The following CCDC120 variants were observed in gnomAD, a reference collection of about 807,000 sequenced individuals.
CCDC120 encodes coiled-coil domain-containing protein 120.
Under a neutral mutation model 37.6 loss-of-function variants are expected in CCDC120, and 16 were observed. The ratio of observed to expected loss-of-function variants is 0.43; its 90% confidence interval spans 0.29 to 0.65. The LOEUF (loss-of-function observed/expected upper bound fraction) is 0.65, where lower values mean the gene tolerates loss of function less well. CCDC120 is among the 30% of genes least tolerant of loss of function. CCDC120 has a pLI of 0.18. For missense variants in CCDC120, 650 were observed against 657.4 expected (o/e 0.99, Z 0.12); for synonymous variants, 309 against 275.4 (o/e 1.12, Z -1.21).
At position 49,067,730 on chromosome X, in the gene CCDC120, A is replaced by G; in HGVS notation, c.1616A>G (p.Lys539Arg). 8.4e-7 allele frequency: 1 copy of G among 1,195,146 alleles called. No homozygotes were observed. Among genetic ancestry groups the G allele is most frequent in the Non-Finnish European group, 1.1e-6 (1 of 884,103 alleles). ...AGCAACAGCCCCCTCCTCCGCACCA[A>G]GGACCCCCACACCCGTGCCACCCGC... The part of the protein sequence containing the change: ...ADSNSPLLRT[K>R]DPHTRATRTK... The change falls in exon 10 of 11, where the codon AAG becomes AGG. Residue 539 changes from lysine (K) to arginine (R), a missense_variant. Physicochemically the swap from Lys to Arg is conservative, Grantham distance 26. This residue lies in a region of CCDC120 where 576 missense variants were observed against 565.3 expected (regional missense o/e 1.02). Transcript: ENST00000603986.
rs375814386 is a variant in CCDC120 at position 49,065,550 on chromosome X, G to A, written c.884G>A (p.Arg295Gln). Reference sequence around the variant, plus strand: ...GTATCTGGGGGGAGCCCTGAGCGGCGAACCCCATGGAAACCACCTCCATCA... The same window carrying A: ...GTATCTGGGGGGAGCCCTGAGCGGCAAACCCCATGGAAACCACCTCCATCA... ...RAVSGGSPER[R>Q]TPWKPPPSDL... Residue 295 changes from arginine (R) to glutamine (Q), a missense_variant, in exon 8 of 11, where the codon CGA becomes CAA. Physicochemically the swap from Arg to Gln is conservative, Grantham distance 43 (BLOSUM62 1). Coordinates refer to ENST00000603986, the MANE Select transcript of CCDC120 (RefSeq NM_001163321.4). 69 of 1,209,422 alleles carry A rather than the reference G, an allele frequency of 5.7e-5. No individual in the cohort carries two copies. The highest frequency in any genetic ancestry group is 7.0e-5 in the Non-Finnish European group (63 of 894,874).
intron 7 of CCDC120, 49 bp from the exon 8 acceptor site, chrX:49,065,405 T>A (rs201652572): frequency 9.2e-7 from 1 of 1,087,798 alleles, no homozygotes; most frequent in East Asian, 3.1e-5. Flanking sequence ...TCCTGCCCCC[T>A]CTGGGCCCCC....
upstream of CCDC120, among the ~76,000 whole-genome samples, chrX:49,057,821 C>T (rs1460540564): frequency 4.5e-5 from 5 of 110,001 alleles, no homozygotes; most frequent in Admixed American, 1.9e-4. Flanking sequence ...TGCTGTGTGC[C>T]GGGACTGGCC....
chrX:49,065,089 C>T lies in CCDC120; in HGVS notation c.778C>T (p.His260Tyr), dbSNP rs1557080754. 3 of 1,211,333 alleles carry T rather than the reference C, an allele frequency of 2.5e-6. No homozygotes were observed. The highest frequency in any genetic ancestry group is 3.5e-5 in the South Asian group (2 of 56,957). ...CTCCCTCTCAGAGTCTGGGGCCAGC[C>T]ATGACAACGGTGAGGACTCCTATCC... ...SSSLSESGAS[H>Y]DNEEPHGCFS... Residue 260 changes from histidine (H) to tyrosine (Y), a missense_variant, in exon 7 of 11, where the codon CAT becomes TAT. Transcript: ENST00000603986.
chrX:49,057,822 G>A (rs61738472), upstream of CCDC120, among the ~76,000 whole-genome samples: 788 of 111,705 alleles, frequency 7.1e-3, 9 homozygotes, highest in African/African-American at 0.025. Flanking sequence ...GCTGTGTGCC[G>A]GGACTGGCCC....
intron 2 of CCDC120, 35 bp from the exon 3 acceptor site, chrX:49,062,200 G>A (rs1557079636): frequency 1.7e-6 from 2 of 1,190,215 alleles, no homozygotes. Context: ...ATCATGGGAT[G>A]TGCTTCCTTA....
chrX:49,064,553 C>A lies in CCDC120; in HGVS notation c.613C>A (p.Arg205Ser). Reference sequence around the variant, plus strand: ...GGAGCAGCTCAGGGATGTCCGGGCCCGCCTTGGCCTCCCAGTGCTCCCGCT... The same window carrying A: ...GGAGCAGCTCAGGGATGTCCGGGCCAGCCTTGGCCTCCCAGTGCTCCCGCT... ...LEEQLRDVRA[R>S]LGLPVLPLPQ... The change falls in exon 6 of 11, where the codon CGC becomes AGC. Residue 205 changes from arginine (R) to serine (S), a missense_variant. Transcript: ENST00000603986. 2 of 1,177,368 alleles carry A rather than the reference C, an allele frequency of 1.7e-6. No homozygotes were observed. The highest frequency in any genetic ancestry group is 3.2e-5 in the East Asian group (1 of 31,496).
At chrX:49,068,371 C>G (rs1008784336) in intron 10 of CCDC120, 173 bp from the exon 11 acceptor site, 52 of 1,050,021 alleles carry the variant, frequency 5.0e-5, no homozygotes, top group Non-Finnish European at 6.0e-5. Context: ...TCTCATGCCC[C>G]TTGCTGTTTT....
chrX:49,057,632 C>T (rs1198771343), upstream of CCDC120, among the ~76,000 whole-genome samples: 1 of 112,453 alleles, frequency 8.9e-6, no homozygotes, highest in Non-Finnish European at 1.9e-5. Context: ...GCAGGGATGG[C>T]GGGAGGCCTT....
chrX:49,064,678 G>A lies in CCDC120; in HGVS notation c.724+14G>A, dbSNP rs1557080599. 3 of 1,164,584 alleles carry A rather than the reference G, an allele frequency of 2.6e-6. No individual in the cohort carries two copies. The highest frequency in any genetic ancestry group is 3.5e-6 in the Non-Finnish European group (3 of 867,924). On this transcript the variant is annotated intron_variant, in intron 6 of 10. Coordinates refer to ENST00000603986, the MANE Select transcript of CCDC120 (RefSeq NM_001163321.4). ...AGCTCAGCCAAGGTGAGCATCCCCTGGTGAGGGTGGGAGAGTGGACACTGG... is the reference window on the plus strand; with the variant it reads ...AGCTCAGCCAAGGTGAGCATCCCCTAGTGAGGGTGGGAGAGTGGACACTGG...
chrX:49,066,817 G>GAGCCC (rs1557081309), intron 9 of CCDC120: 1 of 210,990 alleles, frequency 4.7e-6, no homozygotes, highest in Non-Finnish European at 8.6e-6. Context: ...GAGGCCGTGC[G>GAGCCC]AGCCATGAGA....
chrX:49,056,498 G>A (rs914470666), upstream of CCDC120, among the ~76,000 whole-genome samples: 4 of 108,883 alleles, frequency 3.7e-5, no homozygotes, highest in African/African-American at 1.3e-4. Context: ...GTGGTGGCAC[G>A]CACCTGTAAT....
rs2064948301 is a variant in CCDC120, at chrX:49,065,928, CA to C, written c.1061+87del. ...ACTGGAAGCTTGAGGACAACATTAT[CA>C]AAAGGTGGGATGGCTGGGCGCGGTG... On this transcript the variant is annotated intron_variant, in intron 9 of 10. Coordinates refer to ENST00000603986, the MANE Select transcript of CCDC120 (RefSeq NM_001163321.4). The C allele has an allele frequency of 3.2e-6, 3 of 934,444 alleles. No individual in the cohort carries two copies. In the East Asian group the frequency reaches 1.0e-4, roughly 32 times the overall value. The allele number at this position is 934,444 out of a possible 1,213,427, so 77.0% of individuals were successfully genotyped here.
At position 49,067,748 on chromosome X, in the gene CCDC120, C is replaced by T; in HGVS notation, c.1634C>T (p.Ala545Val). The stretch of plus-strand genomic sequence containing the variant: ...CGCACCAAGGACCCCCACACCCGTG[C>T]CACCCGCACTAAGCCCTGTGGCCTG... The part of the protein sequence containing the change: ...LLRTKDPHTR[A>V]TRTKPCGLPP... Residue 545 changes from alanine to valine, a missense_variant, in exon 10 of 11, where the codon GCC (alanine) becomes GTC (valine). By Grantham distance (64) the Ala-to-Val change is moderately conservative (BLOSUM62 0). This residue lies in a region of CCDC120 where 576 missense variants were observed against 565.3 expected (regional missense o/e 1.02). Transcript: ENST00000603986. 8.4e-7 allele frequency: 1 copy of T among 1,195,551 alleles called. No individual in the cohort carries two copies. The highest frequency in any genetic ancestry group is 1.7e-5 in the African/African-American group (1 of 57,716).
intron 4 of CCDC120, 70 bp downstream of exon 4, chrX:49,062,671 A>G (rs782429479): frequency 2.4e-5 from 26 of 1,087,945 alleles, no homozygotes; most frequent in Non-Finnish European, 3.1e-5. Flanking sequence ...GCCCCTAGGT[A>G]GACAGACTTG....
chrX:49,067,520 C>G lies in CCDC120; in HGVS notation c.1406C>G (p.Pro469Arg), dbSNP rs782619912. The G allele has an allele frequency of 6.9e-6, 8 of 1,167,017 alleles. No homozygotes were observed. The highest frequency in any genetic ancestry group is 9.2e-6 in the Non-Finnish European group (8 of 871,165). The part of the protein sequence containing the change: ...SSAAPASRGA[P>R]RLPPVCGDFL... ...GCTGCCCCTGCCTCCCGAGGTGCCC[C>G]CCGGCTCCCACCTGTGTGTGGAGAC... is the stretch of plus-strand genomic sequence containing the variant. Residue 469 changes from proline (P) to arginine (R), a missense_variant, in exon 10 of 11, where the codon CCC becomes CGC. Coordinates refer to ENST00000603986, the MANE Select transcript of CCDC120 (RefSeq NM_001163321.4).
Position 49,067,758 on chromosome X carries a change from T to G in CCDC120, c.1644T>G (p.Thr548=), listed in dbSNP as rs1340633552. 1 of 1,196,632 alleles carries G rather than the reference T, an allele frequency of 8.4e-7. No homozygotes were observed. The highest frequency in any genetic ancestry group is 1.7e-5 in the African/African-American group (1 of 57,241). ...ACCCCCACACCCGTGCCACCCGCACTAAGCCCTGTGGCCTGCCCCCAGAGG... is the reference window on the plus strand; with the variant it reads ...ACCCCCACACCCGTGCCACCCGCACGAAGCCCTGTGGCCTGCCCCCAGAGG... ...TKDPHTRATR[T]KPCGLPPEAA... Residue 548 remains threonine, a synonymous_variant, in exon 10 of 11, where the codon ACT becomes ACG. Transcript: ENST00000603986.
Position 49,067,819 on chromosome X carries a change from C to A in CCDC120, c.1705C>A (p.Leu569Met). Residue 569 changes from leucine (L) to methionine (M), a missense_variant, in exon 10 of 11, where the codon CTG becomes ATG. Leu to Met is a conservative substitution (Grantham distance 15). Coordinates refer to ENST00000603986, the MANE Select transcript of CCDC120 (RefSeq NM_001163321.4). ...CCCTGAGGTGCATCCAAACCCTCTG[C>A]TGTGGATGCCCCCACCCACCCGTAT... ...EGPEVHPNPL[L>M]WMPPPTRIPS... 8.4e-7 allele frequency: 1 copy of A among 1,186,056 alleles called. No individual in the cohort carries two copies. Among genetic ancestry groups the A allele is most frequent in the South Asian group, 1.9e-5 (1 of 53,915 alleles).
At chrX:49,064,074 T>G in intron 5 of CCDC120, 73 bp downstream of exon 5, 1 of 1,097,520 alleles carries the variant, frequency 9.1e-7, no homozygotes, top group Non-Finnish European at 1.2e-6. Context: ...AGGAGGAAGG[T>G]GTGGGGAGGG....
Sources: allele counts gnomAD v4.1 joint callset (sites outside exome capture counted in the v4.1 genomes callset), GRCh38; gene constraint gnomAD v4.1.1; regional missense constraint gnomAD v4.1.1; transcripts MANE v1.5; gene names NCBI Gene and HGNC (gene_info 2026-07-23, HGNC 2026-07-21).